ZNF710: variants seen among roughly 807,000 people sequenced by gnomAD.
The protein encoded by ZNF710 is zinc finger protein 710.
Under a neutral mutation model 50.6 loss-of-function variants are expected in ZNF710, and 13 were observed. The ratio of observed to expected loss-of-function variants is 0.26; its 90% CI spans 0.17 to 0.41. The LOEUF (loss-of-function observed/expected upper bound fraction) is 0.41. Ranked by LOEUF, ZNF710 falls within the 10% of genes least tolerant of loss-of-function variation. ZNF710 has a pLI of 1.00. For synonymous variants in ZNF710, 383 were observed against 397.0 expected, an observed-to-expected ratio of 0.96 and a Z score of 0.42; for missense variants, 721 against 936.6, an observed-to-expected ratio of 0.77 and a Z score of 3.01.
intron 1 of ZNF710, among the ~76,000 whole-genome samples, chr15:90,010,298 TC>T (rs1393169042): frequency 6.6e-6 from 1 of 152,134 alleles, no homozygotes; most frequent in African/African-American, 2.4e-5. Context: ...TAGATGGATT[TC>T]TTTTTTTTGA....
At chr15:90,020,383 G>A (rs1235327052) in intron 1 of ZNF710, among the ~76,000 whole-genome samples, 3 of 152,050 alleles carry the variant, frequency 2.0e-5, no homozygotes, top group Admixed American at 1.3e-4. Flanking sequence ...GCACCCTTCC[G>A]TCCAGGCAGG....
intron 1 of ZNF710, among the ~76,000 whole-genome samples, chr15:90,058,216 G>A (rs540529052): frequency 2.5e-4 from 38 of 152,148 alleles, no homozygotes; most frequent in Non-Finnish European, 4.6e-4. Context: ...CTGAGCTCCT[G>A]GGGACTCTGC....
At chr15:90,037,222 G>A (rs548044931) in intron 1 of ZNF710, among the ~76,000 whole-genome samples, 3 of 152,290 alleles carry the variant, frequency 2.0e-5, no homozygotes, top group South Asian at 2.1e-4. Context: ...TGGCCCACAC[G>A]CTGTTTTTAA....
intron 1 of ZNF710, among the ~76,000 whole-genome samples, chr15:90,042,771 G>A (rs968026474): frequency 6.6e-6 from 1 of 152,178 alleles, no homozygotes; most frequent in African/African-American, 2.4e-5. Context: ...GGCATTTGCC[G>A]GCACGATCTG....
chr15:90,002,773 C>A (rs1177964072), intron 1 of ZNF710, among the ~76,000 whole-genome samples: 1 of 152,196 alleles, frequency 6.6e-6, no homozygotes, highest in African/African-American at 2.4e-5. Flanking sequence ...ATTTAAGAGG[C>A]CAGGGAGGTG....
In ZNF710 at chr15:90,001,463, G is replaced by C. The variant is rs1898007798; in HGVS notation, c.-180G>C. 1 of 152,058 alleles carries C rather than the reference G, an allele frequency of 6.6e-6. No individual in the cohort carries two copies. The highest frequency in any genetic ancestry group is 1.9e-4 in the South Asian group (1 of 5,170). The allele number at this position is 152,058 out of a possible 1,614,324, so 9.4% of individuals were successfully genotyped here. A position where few individuals can be genotyped will look rare whatever the true frequency, so the allele number is the denominator to read the frequency against. On this transcript the variant is annotated 5_prime_UTR_variant, in exon 1 of 5. Transcript: ENST00000268154. Reference sequence around the variant, plus strand: ...GGGAGAGAGAGAAAGAGAGGAGCCGGAGGGAGGGCGGCAGGAGCAGGCGGC... The same window carrying C: ...GGGAGAGAGAGAAAGAGAGGAGCCGCAGGGAGGGCGGCAGGAGCAGGCGGC...
intron 4 of ZNF710, among the ~76,000 whole-genome samples, chr15:90,077,204 T>C (rs1900610851): frequency 6.6e-6 from 1 of 150,890 alleles, no homozygotes; most frequent in African/African-American, 2.4e-5. Flanking sequence ...GGGGACGGTG[T>C]ACAGAGATCC....
chr15:90,027,865 T>C (rs1256462813), intron 1 of ZNF710, among the ~76,000 whole-genome samples: 1 of 151,176 alleles, frequency 6.6e-6, no homozygotes, highest in Non-Finnish European at 1.5e-5. Context: ...AAAAAAAGAT[T>C]TAAATTTGAA....
chr15:90,003,540 G>T (rs373367846), intron 1 of ZNF710, among the ~76,000 whole-genome samples: 52 of 152,270 alleles, frequency 3.4e-4, no homozygotes, highest in African/African-American at 1.2e-3. Context: ...ATCTTCACCA[G>T]GGGGCCTAGA....
upstream of ZNF710, among the ~76,000 whole-genome samples, chr15:89,998,747 C>T (rs1381385479): frequency 2.0e-5 from 3 of 152,122 alleles, no homozygotes; most frequent in African/African-American, 7.2e-5. Context: ...TATTTTTATC[C>T]CTATTTTACA....
chr15:90,013,249 T>C (rs982785914), intron 1 of ZNF710, among the ~76,000 whole-genome samples: 17 of 152,094 alleles, frequency 1.1e-4, no homozygotes, highest in African/African-American at 4.1e-4. Context: ...TACAGGTGTG[T>C]CCACCACCAT....
At chr15:90,021,164 T>G (rs960537124) in intron 1 of ZNF710, among the ~76,000 whole-genome samples, 1 of 152,212 alleles carries the variant, frequency 6.6e-6, no homozygotes, top group African/African-American at 2.4e-5. Flanking sequence ...AACTGCGTCC[T>G]TTGTTGGATG....
chr15:90,020,216 A>G (rs1479831431), intron 1 of ZNF710, among the ~76,000 whole-genome samples: 2 of 152,126 alleles, frequency 1.3e-5, no homozygotes, highest in African/African-American at 4.8e-5. Flanking sequence ...GTGACAGCGC[A>G]TTCTTCATGG....
At chr15:89,999,785 A>C (rs1403947678), upstream of ZNF710, among the ~76,000 whole-genome samples, 1 of 151,550 alleles carries the variant, frequency 6.6e-6, no homozygotes, top group African/African-American at 2.4e-5. Context: ...TGGGGGAGAG[A>C]CAATGGGGCT....
At chr15:90,029,971 G>T (rs1160295992) in intron 1 of ZNF710, among the ~76,000 whole-genome samples, 1 of 152,070 alleles carries the variant, frequency 6.6e-6, no homozygotes, top group Non-Finnish European at 1.5e-5. Flanking sequence ...CATATGAGCA[G>T]TTATTAAGTG....
intron 1 of ZNF710, chr15:90,006,811 G>A (rs1462891962): frequency 6.5e-6 from 1 of 154,800 alleles, no homozygotes; most frequent in East Asian, 1.9e-4. Context: ...AAACCTACTG[G>A]ATCTGCATTT....
At chr15:90,039,979 T>G (rs1469775003) in intron 1 of ZNF710, among the ~76,000 whole-genome samples, 1 of 152,144 alleles carries the variant, frequency 6.6e-6, no homozygotes, top group African/African-American at 2.4e-5. Context: ...GGGGGAAATT[T>G]GAGGTGGCCA....
chr15:90,010,299 C>CT (rs35478528), intron 1 of ZNF710, among the ~76,000 whole-genome samples: 11 of 151,824 alleles, frequency 7.2e-5, no homozygotes, highest in Non-Finnish European at 1.3e-4. Context: ...AGATGGATTT[C>CT]TTTTTTTTGA....
At chr15:90,033,062 C>T (rs1290421764) in intron 1 of ZNF710, among the ~76,000 whole-genome samples, 1 of 152,130 alleles carries the variant, frequency 6.6e-6, no homozygotes, top group Non-Finnish European at 1.5e-5. Flanking sequence ...GGGCCATGCA[C>T]CAGTGCTGTT....
Sources: gnomAD v4.1 joint callset for allele counts (sites outside exome capture counted in the v4.1 genomes callset) on GRCh38, gnomAD v4.1.1 for gene constraint, MANE v1.5 for transcripts, NCBI Gene and HGNC (gene_info 2026-07-23, HGNC 2026-07-21) for gene names.